The following GLG1 variants were observed in gnomAD, a reference collection of about 807,000 sequenced individuals.
GLG1 encodes Golgi apparatus protein 1.
GLG1 carries 38 observed loss-of-function variants against 160.5 expected under a neutral mutation model. The observed-to-expected ratio is 0.24, with a 90% CI of 0.18 to 0.31. The LOEUF (loss-of-function observed/expected upper bound fraction) is 0.31. GLG1 is among the 10% of genes least tolerant of loss of function. The probability of loss-of-function intolerance (pLI) is 1.00; values close to 1 mark genes in which losing one functional copy is unlikely to be tolerated. For synonymous variants in GLG1, 644 were observed against 543.4 expected, an observed-to-expected ratio of 1.19 and a Z score of -2.57; for missense variants, 1,373 against 1,505.2, an observed-to-expected ratio of 0.91 and a Z score of 1.45.
At position 74,456,528 on chromosome 16, in the gene GLG1, A is replaced by C. The variant is rs766022879; in HGVS notation, c.3372+121T>G. On this transcript the variant is annotated intron_variant, in intron 25 of 25. Coordinates refer to ENST00000422840, the MANE Select transcript of GLG1 (RefSeq NM_001145667.2). Reference sequence around the variant, plus strand: ...GGACAAGACCAGTGCGATATCTAAAAGAGGCTGGACAGCCACAGCGAGGAG... The same window carrying C: ...GGACAAGACCAGTGCGATATCTAAACGAGGCTGGACAGCCACAGCGAGGAG... 11 of 708,610 alleles carry C rather than the reference A, an allele frequency of 1.6e-5. No individual in the cohort carries two copies. The African/African-American group carries it at 1.8e-4, about 12-fold the overall frequency. The allele number at this position is 708,610 out of a possible 1,614,324, so 43.9% of individuals were successfully genotyped here.
chr16:74,469,177 G>A lies in GLG1; in HGVS notation c.2319-114C>T, dbSNP rs1012545722. The A allele has an allele frequency of 2.8e-6, 2 of 719,858 alleles. 1 individual carries two copies. Among genetic ancestry groups the A allele is most frequent in the South Asian group, 3.2e-5 (2 of 63,246 alleles). The allele number at this position is 719,858 out of a possible 1,614,324, so 44.6% of individuals were successfully genotyped here. A position where few individuals can be genotyped will look rare whatever the true frequency, so the allele number is the denominator to read the frequency against. ...AATTCAAGATGCCCTTTGGGGGAAT[G>A]TCTTTCCTGTAAGGCTCACTGTATT... On this transcript the variant is annotated intron_variant, in intron 16 of 25. Coordinates refer to ENST00000422840, the MANE Select transcript of GLG1 (RefSeq NM_001145667.2).
At chr16:74,520,016 T>C (rs1279855841) in intron 2 of GLG1, among the ~76,000 whole-genome samples, 1 of 152,228 alleles carries the variant, frequency 6.6e-6, no homozygotes, top group East Asian at 1.9e-4. Context: ...GACTTTTAGT[T>C]TGCTCTATAG....
intron 1 of GLG1, among the ~76,000 whole-genome samples, chr16:74,562,561 G>A (rs892636043): frequency 2.0e-5 from 3 of 152,166 alleles, no homozygotes; most frequent in African/African-American, 7.2e-5. Flanking sequence ...CCGGGTTCAA[G>A]CAATTCTTGT....
rs1162582236 is a variant in GLG1 at position 74,467,752 on chromosome 16, T to C, written c.2529+4A>G. 1 of 1,586,408 alleles carries C rather than the reference T, an allele frequency of 6.3e-7. No individual in the cohort carries two copies. Among genetic ancestry groups the C allele is most frequent in the South Asian group, 1.1e-5 (1 of 89,438 alleles). On this transcript the variant is annotated splice_donor_region_variant and intron_variant, in intron 18 of 25. Transcript: ENST00000422840. ...ACAATTACAAAAGAAAAGCAAAAAG[T>C]TACCTGAGCGTTGCCATATTGCACA...
chr16:74,580,168 G>C (rs1162883396), intron 1 of GLG1, among the ~76,000 whole-genome samples: 1 of 151,886 alleles, frequency 6.6e-6, no homozygotes, highest in East Asian at 1.9e-4. Flanking sequence ...TATTTATCAG[G>C]TATAAAAGAT....
intron 22 of GLG1, among the ~76,000 whole-genome samples, chr16:74,460,677 C>T (rs960065172): frequency 2.6e-5 from 4 of 152,170 alleles, no homozygotes; most frequent in African/African-American, 9.7e-5. Flanking sequence ...GTTTCGTGCC[C>T]CTCCTCCTAT....
intron 2 of GLG1, among the ~76,000 whole-genome samples, chr16:74,510,517 G>A (rs932404580): frequency 2.0e-5 from 3 of 152,160 alleles, no homozygotes; most frequent in East Asian, 1.9e-4. Context: ...GTGAGATAGA[G>A]CAGAGACTTG....
chr16:74,565,055 G>T (rs2143754846), intron 1 of GLG1, among the ~76,000 whole-genome samples: 1 of 152,240 alleles, frequency 6.6e-6, no homozygotes, highest in East Asian at 1.9e-4. Flanking sequence ...ATACAAAATT[G>T]AGGCCAGATG....
At chr16:74,467,376 G>A (rs889066549) in intron 18 of GLG1, among the ~76,000 whole-genome samples, 68 of 152,146 alleles carry the variant, frequency 4.5e-4, no homozygotes, top group Non-Finnish European at 1.2e-4. Context: ...CTGATGTGAC[G>A]TCTAGTTAAG....
intron 1 of GLG1, among the ~76,000 whole-genome samples, chr16:74,591,776 A>T (rs925939127): frequency 3.0e-4 from 45 of 152,178 alleles, no homozygotes; most frequent in Non-Finnish European, 8.8e-5. Context: ...AAGGCCTTAC[A>T]TATTATTTTC....
At chr16:74,470,341 CCCT>C (rs769380974) in intron 15 of GLG1, among the ~76,000 whole-genome samples, 1 of 145,754 alleles carries the variant, frequency 6.9e-6, no homozygotes, top group Non-Finnish European at 1.5e-5. Flanking sequence ...TTCTTTCCTT[CCCT>C]CCTTCCTTCC....
At chr16:74,559,765 T>A (rs1215600764) in intron 1 of GLG1, among the ~76,000 whole-genome samples, 1 of 152,186 alleles carries the variant, frequency 6.6e-6, no homozygotes, top group Non-Finnish European at 1.5e-5. Flanking sequence ...TTCAGCCTTC[T>A]GACATATGTA....
chr16:74,595,655 T>C (rs893327969), intron 1 of GLG1, among the ~76,000 whole-genome samples: 1 of 152,226 alleles, frequency 6.6e-6, no homozygotes, highest in East Asian at 1.9e-4. Context: ...AAACTTGTAT[T>C]ATGGTTTTCA....
intron 2 of GLG1, among the ~76,000 whole-genome samples, chr16:74,519,267 T>C (rs2017082268): frequency 6.8e-6 from 1 of 146,398 alleles, no homozygotes; most frequent in African/African-American, 2.6e-5. Context: ...TTCTCACTCA[T>C]ACGTGGTAGT....
Position 74,503,590 on chromosome 16 carries a change from C to T in GLG1, c.715G>A (p.Asp239Asn). The T allele has an allele frequency of 6.2e-7, 1 of 1,613,910 alleles. No homozygotes were observed. Among genetic ancestry groups the T allele is most frequent in the Non-Finnish European group, 8.5e-7 (1 of 1,179,846 alleles). Reference sequence around the variant, plus strand: ...ATGTTGATGTCATTTTTGCAGTCATCCATGAAGCCACAGATTAAACGGTAA... The same window carrying T: ...ATGTTGATGTCATTTTTGCAGTCATTCATGAAGCCACAGATTAAACGGTAA... ...SDYRLICGFM[D>N]DCKNDINILK... Residue 239 changes from aspartate (D) to asparagine (N), a missense_variant, in exon 4 of 26, where the codon GAT becomes AAT. By Grantham distance (23) the Asp-to-Asn change is conservative. Transcript: ENST00000422840.
intron 3 of GLG1, among the ~76,000 whole-genome samples, chr16:74,506,936 C>T (rs1393972450): frequency 6.6e-6 from 1 of 152,118 alleles, no homozygotes; most frequent in African/African-American, 2.4e-5. Flanking sequence ...GAGCAAAATG[C>T]TGCAGTCACT....
At chr16:74,571,179 T>A (rs2018816465) in intron 1 of GLG1, among the ~76,000 whole-genome samples, 1 of 152,016 alleles carries the variant, frequency 6.6e-6, no homozygotes, top group Non-Finnish European at 1.5e-5. Flanking sequence ...CCAGTTGCTT[T>A]TTTCACCCAA....
intron 1 of GLG1, among the ~76,000 whole-genome samples, chr16:74,535,796 A>C (rs1016525222): frequency 6.6e-6 from 1 of 152,182 alleles, no homozygotes; most frequent in Non-Finnish European, 1.5e-5. Context: ...ATGCCGTAAA[A>C]ACAAGGTTAT....
intron 25 of GLG1, among the ~76,000 whole-genome samples, chr16:74,455,684 G>A (rs571483608): frequency 6.6e-6 from 1 of 152,252 alleles, no homozygotes; most frequent in East Asian, 1.9e-4. Context: ...AAGGAGGGGT[G>A]GTCCTGGGAT....
Sources: gnomAD v4.1 joint callset for allele counts (sites outside exome capture counted in the v4.1 genomes callset) on GRCh38, gnomAD v4.1.1 for gene constraint, MANE v1.5 for transcripts, NCBI Gene and HGNC (gene_info 2026-07-23, HGNC 2026-07-21) for gene names.